The following TBC1D1 variants were observed in gnomAD, a reference collection of about 807,000 sequenced individuals.
TBC1D1 encodes TBC1 (tre-2/USP6, BUB2, cdc16) domain family, member 1.
Under a neutral mutation model 125.6 loss-of-function variants are expected in TBC1D1, and 89 were observed. The observed-to-expected ratio is 0.71, with a 90% CI of 0.60 to 0.85. The LOEUF is 0.85. TBC1D1 is among the 40% of genes least tolerant of loss of function. The pLI, the probability that TBC1D1 is intolerant of heterozygous loss-of-function variation, is 0.00. For synonymous variants in TBC1D1, 565 were observed against 564.1 expected, an observed-to-expected ratio of 1.00 and a Z score of -0.02; for missense variants, 1,377 against 1,469.2, an observed-to-expected ratio of 0.94 and a Z score of 1.03.
At chr4:38,115,592 T>C in intron 15 of TBC1D1, 118 bp from the exon 18 acceptor site, 1 of 1,047,664 alleles carries the variant, frequency 9.5e-7, no homozygotes, top group Non-Finnish European at 1.4e-6. Context: ...GACTGATTGA[T>C]ATTATGATCC....
At chr4:38,046,193 G>A (rs1749429128) in intron 10 of TBC1D1, among the ~76,000 whole-genome samples, 1 of 151,980 alleles carries the variant, frequency 6.6e-6, no homozygotes, top group South Asian at 2.1e-4. Context: ...GTGAAACCCC[G>A]TCTCTACTAA....
At chr4:38,136,046 T>G (rs1415878119) in intron 19 of TBC1D1, among the ~76,000 whole-genome samples, 1 of 151,800 alleles carries the variant, frequency 6.6e-6, no homozygotes, top group Non-Finnish European at 1.5e-5. Flanking sequence ...CACAGAGCAC[T>G]CCAGGATGCA....
intron 2 of TBC1D1, among the ~76,000 whole-genome samples, chr4:37,946,892 G>A (rs1036445612): frequency 3.3e-5 from 5 of 152,134 alleles, no homozygotes; most frequent in East Asian, 1.9e-4. Context: ...TGTCCACATC[G>A]TCTTGTACAC....
chr4:37,947,671 C>T (rs1405776345), intron 2 of TBC1D1, among the ~76,000 whole-genome samples: 1 of 152,112 alleles, frequency 6.6e-6, no homozygotes, highest in Non-Finnish European at 1.5e-5. Flanking sequence ...GTTGCCCAGG[C>T]ATAATACATA....
At chr4:38,035,436 C>A in intron 7 of TBC1D1, 152 bp from the exon 8 acceptor site, 1 of 593,532 alleles carries the variant, frequency 1.7e-6, no homozygotes, top group Non-Finnish European at 2.9e-6. Flanking sequence ...TTTAAAAATT[C>A]TCTCTACTTT....
chr4:38,081,573 C>T (rs988751909), intron 12 of TBC1D1, among the ~76,000 whole-genome samples: 4 of 152,048 alleles, frequency 2.6e-5, no homozygotes, highest in East Asian at 1.9e-4. Context: ...AGTCTGATTG[C>T]GAAGAAGTCT....
Position 38,103,163 on chromosome 4 carries a change from T to C in TBC1D1, c.2557+6T>C. On this transcript the variant is annotated splice_donor_region_variant and intron_variant, in intron 15 of 19. Transcript: ENST00000261439. ...TGCGATTCTTATTGACCTTGGTAAG[T>C]CTGTGCCATCGATTGGAGATGACAA... 6.2e-7 allele frequency: 1 copy of C among 1,603,368 alleles called. No individual in the cohort carries two copies. The highest frequency in any genetic ancestry group is 8.5e-7 in the Non-Finnish European group (1 of 1,175,956).
chr4:37,974,555 T>C (rs1445072136), intron 2 of TBC1D1, among the ~76,000 whole-genome samples: 1 of 142,878 alleles, frequency 7.0e-6, no homozygotes, highest in African/African-American at 2.6e-5. Flanking sequence ...TACTCTTGAC[T>C]TTCTCCATGC....
intron 16 of TBC1D1, among the ~76,000 whole-genome samples, chr4:38,116,280 C>G (rs1762972861): frequency 6.6e-6 from 1 of 152,178 alleles, no homozygotes; most frequent in Non-Finnish European, 1.5e-5. Context: ...CTCTTGCCCC[C>G]ATCAGCCATC....
chr4:37,959,160 G>C (rs1021452899), intron 2 of TBC1D1, among the ~76,000 whole-genome samples: 1 of 152,190 alleles, frequency 6.6e-6, no homozygotes, highest in African/African-American at 2.4e-5. Context: ...CTTGAACAAT[G>C]TGAGGGTTAG....
intron 19 of TBC1D1, 92 bp from the exon 22 acceptor site, chr4:38,137,041 CAG>C (rs1206466406): frequency 1.6e-5 from 25 of 1,588,710 alleles, no homozygotes; most frequent in Non-Finnish European, 2.0e-5. Flanking sequence ...AACTCGGCTC[CAG>C]AGTGCTCCCA....
At chr4:38,018,511 CAT>C (rs1467408034) in intron 4 of TBC1D1, 68 bp downstream of exon 4, 2 of 1,023,586 alleles carry the variant, frequency 2.0e-6, no homozygotes, top group Non-Finnish European at 3.0e-6. Context: ...TAATATCTAT[CAT>C]GTAACAAATG....
At chr4:38,032,840 CAA>C (rs1228708927) in intron 7 of TBC1D1, among the ~76,000 whole-genome samples, 40 of 86,702 alleles carry the variant, frequency 4.6e-4, no homozygotes, top group Admixed American at 5.2e-4. Context: ...GACTCCATCT[CAA>C]AAAAAAAAAA....
At chr4:38,082,856 A>C (rs1756812928) in intron 12 of TBC1D1, among the ~76,000 whole-genome samples, 1 of 152,012 alleles carries the variant, frequency 6.6e-6, no homozygotes, top group Admixed American at 6.6e-5. Context: ...CTGAGTCAGG[A>C]CTTTTTTCTT....
intron 2 of TBC1D1, among the ~76,000 whole-genome samples, chr4:37,910,955 A>G (rs749106275): frequency 2.0e-5 from 3 of 151,718 alleles, no homozygotes; most frequent in Non-Finnish European, 2.9e-5. Context: ...AAAATAAAAG[A>G]TATTTTAAAT....
chr4:38,096,701 A>G (rs1017482172), intron 14 of TBC1D1, among the ~76,000 whole-genome samples: 4 of 152,216 alleles, frequency 2.6e-5, no homozygotes, highest in African/African-American at 4.8e-5. Context: ...CCAAGAAGAG[A>G]TAAGTACAGA....
chr4:38,027,159 C>T (rs538342419), intron 6 of TBC1D1, among the ~76,000 whole-genome samples: 183 of 152,284 alleles, frequency 1.2e-3, no homozygotes, highest in Non-Finnish European at 2.2e-3. Flanking sequence ...TGTGGAATGA[C>T]GTAAGCTCTC....
At chr4:37,900,461 T>C (rs1250598085) in intron 1 of TBC1D1, among the ~76,000 whole-genome samples, 1 of 152,012 alleles carries the variant, frequency 6.6e-6, no homozygotes, top group Non-Finnish European at 1.5e-5. Context: ...AAAATACTTA[T>C]TGAGCCCCTC....
chr4:37,922,197 T>C (rs1384456828), intron 2 of TBC1D1, among the ~76,000 whole-genome samples: 2 of 152,256 alleles, frequency 1.3e-5, no homozygotes, highest in African/African-American at 2.4e-5. Context: ...CTTTATTTAA[T>C]ATGCTCACCC....
Sources: gnomAD v4.1 joint callset for allele counts (sites outside exome capture counted in the v4.1 genomes callset) on GRCh38, gnomAD v4.1.1 for gene constraint, MANE v1.5 for transcripts, NCBI Gene and HGNC (gene_info 2026-07-23, HGNC 2026-07-21) for gene names.